The following ACOX3 variants were observed in gnomAD, a reference collection of about 807,000 sequenced individuals.
ACOX3 encodes the protein acyl-CoA oxidase 3, pristanoyl.
In ACOX3, 73 loss-of-function variants were observed where a neutral mutation model predicts 81.5. That is an observed-to-expected ratio of 0.90 (90% CI 0.74 to 1.09). ACOX3 has a LOEUF of 1.09. ACOX3 is among the 50% of genes least tolerant of loss of function. The pLI, the probability that ACOX3 is intolerant of heterozygous loss-of-function variation, is 0.00. For missense variants in ACOX3, 947 were observed against 928.0 expected (o/e 1.02, Z -0.27); for synonymous variants, 387 against 375.1 (o/e 1.03, Z -0.37).
chr4:8,406,308 C>G lies in ACOX3; in HGVS notation c.688-265G>C, dbSNP rs186169646. ...CAAATCACCCAGGTGGGCCCTAAAT[C>G]CCACGGCAAGTGTCCTATGAGAATC... On this transcript the variant is annotated intron_variant, in intron 6 of 17. Coordinates refer to ENST00000356406, the MANE Select transcript of ACOX3 (RefSeq NM_003501.3). The surrounding 1 kb of genome is among the most constrained non-coding windows in gnomAD (Gnocchi z 5.6). Among the ~76,000 whole-genome samples the G allele has an allele frequency of 1.3e-5, 2 of 152,270 alleles. No individual in the cohort carries two copies. The highest frequency in any genetic ancestry group is 4.8e-5 in the African/African-American group (2 of 41,548).
intron 10 of ACOX3, among the ~76,000 whole-genome samples, chr4:8,393,468 AAC>A (rs1312940688): frequency 3.0e-5 from 4 of 134,486 alleles, no homozygotes; most frequent in Non-Finnish European, 4.7e-5. Flanking sequence ...CAGCCTGGGC[AAC>A]AGAGCGAGAC....
Position 8,386,606 on chromosome 4 carries a change from A to AATAGGTC in ACOX3, c.1537+2560_1537+2566dup, listed in dbSNP as rs934622967. On this transcript the variant is annotated intron_variant, in intron 13 of 17. Coordinates refer to ENST00000356406, the MANE Select transcript of ACOX3 (RefSeq NM_003501.3). The surrounding 1 kb of genome is among the most constrained non-coding windows in gnomAD (Gnocchi z 5.2). Reference sequence around the variant, plus strand: ...AAGAAAGTGACTTGCAAACATCAGAAATAGGTCATCAAACGTGTCCCCGTT... The same window carrying AATAGGTC: ...AAGAAAGTGACTTGCAAACATCAGAAATAGGTCATAGGTCATCAAACGTGTCCCCGTT... Among the ~76,000 whole-genome samples the AATAGGTC allele has an allele frequency of 1.3e-5, 2 of 152,032 alleles. No individual in the cohort carries two copies. Among genetic ancestry groups the AATAGGTC allele is most frequent in the African/African-American group, 4.8e-5 (2 of 41,416 alleles).
At chr4:8,401,340 C>T (rs922037187) in intron 7 of ACOX3, among the ~76,000 whole-genome samples, 5 of 152,176 alleles carry the variant, frequency 3.3e-5, no homozygotes, top group African/African-American at 7.2e-5. Context: ...AGAATAATCT[C>T]ACATGCTGGA....
intron 14 of ACOX3, 77 bp from the exon 15 acceptor site, chr4:8,375,229 G>T: frequency 7.1e-7 from 1 of 1,410,548 alleles, no homozygotes; most frequent in Non-Finnish European, 9.5e-7. Context: ...AAGTTCTCAG[G>T]AAACACGAAC....
At position 8,407,342 on chromosome 4, in the gene ACOX3, C is replaced by T. The variant is rs1005872577; in HGVS notation, c.688-1299G>A. Among the ~76,000 whole-genome samples, 1 of 152,190 alleles carries T rather than the reference C, an allele frequency of 6.6e-6. No individual in the cohort carries two copies. The highest frequency in any genetic ancestry group is 1.5e-5 in the Non-Finnish European group (1 of 68,046). ...TATTCTTATTTTATATTTTATTACA[C>T]TGGAACAGCTCGTGTCCTCAGTCTC... On this transcript the variant is annotated intron_variant, in intron 6 of 17. Coordinates refer to ENST00000356406, the MANE Select transcript of ACOX3 (RefSeq NM_003501.3). The surrounding 1 kb of genome is among the most constrained non-coding windows in gnomAD (Gnocchi z 4.6).
intron 8 of ACOX3, among the ~76,000 whole-genome samples, chr4:8,398,609 C>T (rs1204562223): frequency 2.0e-5 from 3 of 152,116 alleles, no homozygotes; most frequent in Non-Finnish European, 4.4e-5. Context: ...CACCAAGTAA[C>T]GGACCACAGG....
At position 8,375,091 on chromosome 4, in the gene ACOX3, T is replaced by C. The variant is rs1716763728; in HGVS notation, c.1715A>G (p.His572Arg). 6.4e-7 allele frequency: 1 copy of C among 1,553,452 alleles called. No homozygotes were observed. Among genetic ancestry groups the C allele is most frequent in the Non-Finnish European group, 8.7e-7 (1 of 1,148,558 alleles). ...FVELTVVQRF[H>R]EHVHQPSVPP... is the part of the protein sequence containing the mutation. ...CACGGAAGGCTGGTGCACGTGCTCG[T>C]GGAACCTCTGGACCACCGTGAGCTC... The change falls in exon 15 of 18, where the codon CAC (histidine) becomes CGC (arginine). Residue 572 changes from histidine (H) to arginine (R), a missense_variant. Coordinates refer to ENST00000356406, the MANE Select transcript of ACOX3 (RefSeq NM_003501.3).
chr4:8,387,648 C>T (rs1186855915), intron 13 of ACOX3, among the ~76,000 whole-genome samples: 1 of 152,180 alleles, frequency 6.6e-6, no homozygotes, highest in African/African-American at 2.4e-5. Context: ...TTGACAGGGA[C>T]ACGGGTGGCA....
Position 8,385,178 on chromosome 4 carries a change from C to T in ACOX3, c.1538-3571G>A, listed in dbSNP as rs1178442085. On this transcript the variant is annotated intron_variant, in intron 13 of 17. Coordinates refer to ENST00000356406, the MANE Select transcript of ACOX3 (RefSeq NM_003501.3). This position sits in a 1 kb window ranked among gnomAD's most constrained non-coding sequence, Gnocchi z 5.5. ...CGGGGGGCAGTGCTGACCCAATAGC[C>T]TGTGCTCCCACCCTCTGGGAGCACT... Among the ~76,000 whole-genome samples, 1 of 152,198 alleles carries T rather than the reference C, an allele frequency of 6.6e-6. No homozygotes were observed. Among genetic ancestry groups the T allele is most frequent in the African/African-American group, 2.4e-5 (1 of 41,454 alleles).
chr4:8,367,040 T>G lies in ACOX3; in HGVS notation c.2024A>C (p.Lys675Thr). The change falls in exon 18 of 18, where the codon AAG becomes ACG. Residue 675 changes from lysine to threonine, a missense_variant. By Grantham distance (78) the Lys-to-Thr change is moderately conservative. Transcript: ENST00000356406. ...CCACCAGGATGCCCGCTCCAACACC[T>G]TGCTTTCCTGCAGGACAGCGCCCCA... ...NLWGAVLQES[K>T]VLERASWWPE... 1 of 1,614,068 alleles carries G rather than the reference T, an allele frequency of 6.2e-7. No homozygotes were observed. The highest frequency in any genetic ancestry group is 8.5e-7 in the Non-Finnish European group (1 of 1,179,986).
chr4:8,370,595 G>T lies in ACOX3; in HGVS notation c.1983+313C>A, dbSNP rs996803067. ...GACCTGGGACCGGGGAGGCCGGGGG[G>T]AGTGGGAGGAGGGCAGAGGTCACAG... On this transcript the variant is annotated intron_variant, in intron 17 of 17. Transcript: ENST00000356406. This position sits in a 1 kb window ranked among gnomAD's most constrained non-coding sequence, Gnocchi z 6.3. Among the ~76,000 whole-genome samples, 1 of 151,554 alleles carries T rather than the reference G, an allele frequency of 6.6e-6. No individual in the cohort carries two copies. The highest frequency in any genetic ancestry group is 6.6e-5 in the Admixed American group (1 of 15,244).
intron 5 of ACOX3, among the ~76,000 whole-genome samples, chr4:8,413,833 A>G (rs1185193423): frequency 6.6e-6 from 1 of 152,248 alleles, no homozygotes; most frequent in African/African-American, 2.4e-5. Context: ...GGACCCGAGG[A>G]GTCAGACTGC....
rs1264829501 is a variant in ACOX3 at position 8,389,732 on chromosome 4, T to A, written c.1303A>T (p.Asn435Tyr). ...TCATCTCTAAGGACACCCAACCGGT[T>A]CACTGCAACAAAGCCACAATAGTAC... ...ACGGHGYLAMNRLGVLRDDND... is the reference protein window; with the variant it reads ...ACGGHGYLAMYRLGVLRDDND... The change falls in exon 12 of 18, where the codon AAC (asparagine) becomes TAC (tyrosine). Residue 435 changes from asparagine to tyrosine, a missense_variant and splice_region_variant. By Grantham distance (143) the Asn-to-Tyr change is moderately radical. Transcript: ENST00000356406. The surrounding 1 kb of genome is among the most constrained non-coding windows in gnomAD (Gnocchi z 5.3). The A allele has an allele frequency of 6.2e-7, 1 of 1,613,910 alleles. No homozygotes were observed. The highest frequency in any genetic ancestry group is 1.7e-5 in the Admixed American group (1 of 60,014).
intron 10 of ACOX3, 89 bp from the exon 11 acceptor site, chr4:8,392,542 A>G (rs1719128515): frequency 1.5e-6 from 2 of 1,365,248 alleles, no homozygotes; most frequent in African/African-American, 2.9e-5. Context: ...AAACCACCAT[A>G]TCACCTCTAG....
chr4:8,358,628 T>G, the ACOX3 span, among the ~76,000 whole-genome samples: 1 of 152,160 alleles, frequency 6.6e-6, no homozygotes, highest in Non-Finnish European at 1.5e-5. Context: ...TAAAACAGGC[T>G]GCAATAAGGA....
intron 9 of ACOX3, 44 bp downstream of exon 9, chr4:8,396,893 T>G: frequency 6.3e-7 from 1 of 1,584,732 alleles, no homozygotes; most frequent in Non-Finnish European, 8.6e-7. Flanking sequence ...TGAATTTGCA[T>G]ATAAAATAGA....
chr4:8,387,016 C>T (rs1393163217), intron 13 of ACOX3, among the ~76,000 whole-genome samples: 4 of 152,246 alleles, frequency 2.6e-5, no homozygotes, highest in Non-Finnish European at 5.9e-5. Flanking sequence ...AGGGGCCTCC[C>T]AGAACCCCAG....
chr4:8,381,709 C>A lies in ACOX3; in HGVS notation c.1538-102G>T. The A allele has an allele frequency of 1.2e-6, 1 of 845,212 alleles. No individual in the cohort carries two copies. The highest frequency in any genetic ancestry group is 1.9e-6 in the Non-Finnish European group (1 of 530,522). 52.4% of individuals were successfully genotyped at this position (845,212 alleles called of 1,614,324 possible). ...AGGCACTGCCAGCATCCTGCAGGTACCAGGTTGTCTTCATTGACAACCAAG... is the reference window on the plus strand; with the variant it reads ...AGGCACTGCCAGCATCCTGCAGGTAACAGGTTGTCTTCATTGACAACCAAG... On this transcript the variant is annotated intron_variant, in intron 13 of 17. Transcript: ENST00000356406. The surrounding 1 kb of genome is among the most constrained non-coding windows in gnomAD (Gnocchi z 4.3).
chr4:8,402,045 G>A (rs1307948869), intron 7 of ACOX3, among the ~76,000 whole-genome samples: 1 of 152,238 alleles, frequency 6.6e-6, no homozygotes, highest in Non-Finnish European at 1.5e-5. Flanking sequence ...TTAAGGGACG[G>A]GCACGTAAGT....
Sources: allele counts gnomAD v4.1 joint callset (sites outside exome capture counted in the v4.1 genomes callset), GRCh38; gene constraint gnomAD v4.1.1; non-coding constraint Gnocchi (gnomAD v3.1); transcripts MANE v1.5; gene names NCBI Gene and HGNC (gene_info 2026-07-23, HGNC 2026-07-21).